The following DOCK3 variants were observed in gnomAD, a reference collection of about 807,000 sequenced individuals.
DOCK3 encodes dedicator of cytokinesis protein 3.
A neutral mutation model predicts 265.6 loss-of-function variants in DOCK3; 60 were observed. The observed-to-expected ratio is 0.23, with a 90% CI of 0.18 to 0.28. The LOEUF (loss-of-function observed/expected upper bound fraction) is 0.28, where lower values mean the gene tolerates loss of function less well. DOCK3 is among the 10% of genes least tolerant of loss of function. The pLI, the probability that DOCK3 is intolerant of heterozygous loss-of-function variation, is 1.00. For missense variants in DOCK3, 1,981 were observed against 2,594.3 expected, an observed-to-expected ratio of 0.76 and a Z score of 5.14; for synonymous variants, 881 against 938.0, an observed-to-expected ratio of 0.94 and a Z score of 1.11.
chr3:51,261,699 C>T (rs1424429602), intron 23 of DOCK3, among the ~76,000 whole-genome samples: 2 of 152,172 alleles, frequency 1.3e-5, no homozygotes, highest in Admixed American at 6.5e-5. Flanking sequence ...AGTCTGATGT[C>T]GATCTGGGAC....
chr3:51,010,834 G>C (rs2078919205), intron 5 of DOCK3, among the ~76,000 whole-genome samples: 1 of 152,134 alleles, frequency 6.6e-6, no homozygotes, highest in Admixed American at 6.5e-5. Flanking sequence ...AAATCTCTCA[G>C]CATTTTCTTG....
At chr3:50,947,929 C>T (rs1243567888) in intron 5 of DOCK3, among the ~76,000 whole-genome samples, 1 of 148,634 alleles carries the variant, frequency 6.7e-6, no homozygotes, top group Non-Finnish European at 1.5e-5. Flanking sequence ...TATCTAGGCT[C>T]ACTGCAAGCT....
chr3:51,227,826 T>TTTCA (rs2090393824), intron 16 of DOCK3, among the ~76,000 whole-genome samples, 156 bp from the exon 17 acceptor site: 1 of 152,192 alleles, frequency 6.6e-6, no homozygotes, highest in Admixed American at 6.5e-5. Flanking sequence ...TGGAAACTCA[T>TTTCA]TTCAGCACAT....
chr3:50,768,122 G>T (rs1366191125), intron 1 of DOCK3, among the ~76,000 whole-genome samples: 1 of 152,052 alleles, frequency 6.6e-6, no homozygotes, highest in Non-Finnish European at 1.5e-5. Context: ...TCTCCTGCCT[G>T]ATTGCCCTGG....
intron 4 of DOCK3, among the ~76,000 whole-genome samples, chr3:50,920,120 C>A (rs2050358845): frequency 6.6e-6 from 1 of 152,152 alleles, no homozygotes; most frequent in African/African-American, 2.4e-5. Context: ...TGTGGATAAG[C>A]TTTTTGATGT....
At chr3:50,690,315 G>A (rs1267929906) in intron 1 of DOCK3, among the ~76,000 whole-genome samples, 6 of 151,222 alleles carry the variant, frequency 4.0e-5, no homozygotes, top group Admixed American at 6.6e-5. Flanking sequence ...TAAATTTTTT[G>A]TATGGATGGG....
intron 7 of DOCK3, among the ~76,000 whole-genome samples, chr3:51,084,445 G>A (rs4446244): frequency 0.9 from 137,118 of 152,150 alleles, 61,979 homozygotes; most frequent in African/African-American, 0.95. Flanking sequence ...GTTCTGGGGT[G>A]AGGGATTGGT....
intron 1 of DOCK3, among the ~76,000 whole-genome samples, chr3:50,777,201 G>GTT (rs913245908): frequency 2.0e-5 from 3 of 150,762 alleles, no homozygotes; most frequent in African/African-American, 7.3e-5. Flanking sequence ...CCATATCAGT[G>GTT]TTTTTTTTTC....
At chr3:51,163,348 A>G (rs1472255946) in intron 12 of DOCK3, among the ~76,000 whole-genome samples, 2 of 152,060 alleles carry the variant, frequency 1.3e-5, no homozygotes, top group Admixed American at 6.5e-5. Context: ...ATTCTGCTGT[A>G]TAATGTTTTC....
In DOCK3 at chr3:51,383,754, T is replaced by C. The variant is rs1405131613; in HGVS notation, c.*2195T>C. Reference sequence around the variant, plus strand: ...CAGAGATGAGAACCCTTTGAAAAGATTGTAAAATACTGATTTTCATTCTTT... The same window carrying C: ...CAGAGATGAGAACCCTTTGAAAAGACTGTAAAATACTGATTTTCATTCTTT... On this transcript the variant is annotated 3_prime_UTR_variant, in exon 53 of 53. Coordinates refer to ENST00000266037, the MANE Select transcript of DOCK3 (RefSeq NM_004947.5). 1.3e-5 allele frequency: 2 copies of C among 152,642 alleles called. No homozygotes were observed. The highest frequency in any genetic ancestry group is 2.4e-5 in the African/African-American group (1 of 41,464). The allele number at this position is 152,642 out of a possible 1,614,324, so 9.5% of individuals were successfully genotyped here.
chr3:51,026,397 T>A (rs1198178977), intron 5 of DOCK3, among the ~76,000 whole-genome samples: 4 of 151,744 alleles, frequency 2.6e-5, no homozygotes, highest in African/African-American at 9.7e-5. Flanking sequence ...TGTTGAGAAG[T>A]TTTGCATCTA....
At chr3:51,179,976 G>C (rs1489295183) in intron 12 of DOCK3, among the ~76,000 whole-genome samples, 1 of 152,018 alleles carries the variant, frequency 6.6e-6, no homozygotes, top group Non-Finnish European at 1.5e-5. Flanking sequence ...GGGAGGCCGA[G>C]GTGGGTGGAT....
In DOCK3 at chr3:51,360,520, G is replaced by A. The variant is rs899064866; in HGVS notation, c.4894G>A (p.Gly1632Ser). The change falls in exon 47 of 53, where the codon GGT (glycine) becomes AGT (serine). Residue 1632 changes from glycine to serine, a missense_variant. Coordinates refer to ENST00000266037, the MANE Select transcript of DOCK3 (RefSeq NM_004947.5). ...MRASLYHEFP[G>S]LDKLSPACSG... The stretch of plus-strand genomic sequence containing the variant: ...ATTCATTTCTCAACAGGAGTTTCCA[G>A]GTTTGGATAAGCTAAGTCCTGCATG... 6.2e-6 allele frequency: 10 copies of A among 1,610,836 alleles called. No homozygotes were observed. Among genetic ancestry groups the A allele is most frequent in the Non-Finnish European group, 8.5e-6 (10 of 1,178,456 alleles).
At chr3:50,757,969 A>G (rs2040272778) in intron 1 of DOCK3, among the ~76,000 whole-genome samples, 1 of 151,864 alleles carries the variant, frequency 6.6e-6, no homozygotes, top group African/African-American at 2.4e-5. Context: ...AGGTCAGGAA[A>G]TTGAGACCAT....
chr3:51,257,525 G>C (rs2079613115), intron 22 of DOCK3, among the ~76,000 whole-genome samples: 1 of 152,082 alleles, frequency 6.6e-6, no homozygotes, highest in East Asian at 1.9e-4. Context: ...GGCATGTAGG[G>C]GGTGTCATTG....
At chr3:50,695,126 T>C (rs1471645012) in intron 1 of DOCK3, among the ~76,000 whole-genome samples, 5 of 152,250 alleles carry the variant, frequency 3.3e-5, no homozygotes, top group African/African-American at 1.2e-4. Context: ...AAGACTAATT[T>C]GGGAGCCCCC....
At chr3:51,165,851 A>T (rs2107581068) in intron 12 of DOCK3, among the ~76,000 whole-genome samples, 1 of 152,066 alleles carries the variant, frequency 6.6e-6, no homozygotes, top group East Asian at 1.9e-4. Flanking sequence ...ATTATTTATT[A>T]TATTTCAAAA....
At chr3:50,846,400 G>A (rs1028636191) in intron 3 of DOCK3, among the ~76,000 whole-genome samples, 12 of 152,180 alleles carry the variant, frequency 7.9e-5, no homozygotes, top group African/African-American at 2.7e-4. Context: ...TGTGCTGCTG[G>A]ATTCAGGTTA....
chr3:50,982,227 C>T (rs919247399), intron 5 of DOCK3, among the ~76,000 whole-genome samples: 1 of 152,106 alleles, frequency 6.6e-6, no homozygotes, highest in Non-Finnish European at 1.5e-5. Flanking sequence ...TCCATTCGGT[C>T]TGTATATTTT....
Sources: gnomAD v4.1 joint callset for allele counts (sites outside exome capture counted in the v4.1 genomes callset) on GRCh38, gnomAD v4.1.1 for gene constraint, MANE v1.5 for transcripts, NCBI Gene and HGNC (gene_info 2026-07-23, HGNC 2026-07-21) for gene names.